CFAP99: variants seen among roughly 807,000 people sequenced by gnomAD.
CFAP99 encodes cilia and flagella associated protein 99, also known as cilia- and flagella-associated protein 99.
A neutral mutation model predicts 82.7 loss-of-function variants in CFAP99; 84 were observed. The ratio of observed to expected loss-of-function variants is 1.02; its 90% CI spans 0.85 to 1.22. CFAP99 has a LOEUF of 1.22. CFAP99 is among the 50% of genes most tolerant of loss of function. CFAP99 has a pLI of 0.00. For missense variants in CFAP99, 1,059 were observed against 983.5 expected, an observed-to-expected ratio of 1.08 and a Z score of -1.03; for synonymous variants, 456 against 429.5, an observed-to-expected ratio of 1.06 and a Z score of -0.76.
chr4:2,447,783 T>G (rs1294878087), intron 6 of CFAP99, among the ~76,000 whole-genome samples: 1 of 134,758 alleles, frequency 7.4e-6, no homozygotes, highest in Non-Finnish European at 1.5e-5. Context: ...ATTAGATGGA[T>G]GAAAAGATGA....
intron 11 of CFAP99, among the ~76,000 whole-genome samples, chr4:2,453,636 A>G (rs2792624): frequency 0.13 from 17,891 of 135,222 alleles, 1,131 homozygotes; most frequent in Middle Eastern, 0.24. Flanking sequence ...AATTTGAGCA[A>G]ATGTCCACAT....
chr4:2,455,080 A>G (rs1734396876), intron 11 of CFAP99, among the ~76,000 whole-genome samples: 1 of 152,136 alleles, frequency 6.6e-6, no homozygotes. Context: ...CCACCTTTTT[A>G]GGAGAGACAC....
At chr4:2,422,618 G>A (rs994719659) in intron 1 of CFAP99, among the ~76,000 whole-genome samples, 11 of 152,126 alleles carry the variant, frequency 7.2e-5, no homozygotes, top group South Asian at 2.1e-4. Context: ...CACTCTCACC[G>A]CCCCCACCAG....
intron 1 of CFAP99, among the ~76,000 whole-genome samples, chr4:2,419,368 A>G (rs1363763771): frequency 1.3e-5 from 2 of 151,944 alleles, no homozygotes; most frequent in African/African-American, 2.4e-5. Context: ...AGTACCTGCT[A>G]TGTGTCAAGC....
chr4:2,458,818 C>G (rs563290909), exon 12 of CFAP99: 1 of 1,535,940 alleles, frequency 6.5e-7, no homozygotes, highest in African/African-American at 1.4e-5. Flanking sequence ...GGCAGAAGAA[C>G]GCCAAGGCGG....
In CFAP99 at chr4:2,462,683, G is replaced by T; in HGVS notation, c.1902G>T (p.Gly634=). 6 of 1,260,594 alleles carry T rather than the reference G, an allele frequency of 4.8e-6. No individual in the cohort carries two copies. Among genetic ancestry groups the T allele is most frequent in the Non-Finnish European group, 6.0e-6 (6 of 1,004,022 alleles). 78.1% of individuals were successfully genotyped at this position (1,260,594 alleles called of 1,614,324 possible). A position where few individuals can be genotyped will look rare whatever the true frequency, so the allele number is the denominator to read the frequency against. The change falls in exon 15 of 15, where the codon GGG becomes GGT. Residue 634 remains glycine, a synonymous_variant. Transcript: ENST00000635017. This position sits in a 1 kb window ranked among gnomAD's most constrained non-coding sequence, Gnocchi z 4.1. ...GGGGATGGCGGGCGCGGCGCGCAGG[G>T]ACCGGCGTCCCGGGGCGGGGATGGC... is the stretch of plus-strand genomic sequence containing the variant.
intron 6 of CFAP99, among the ~76,000 whole-genome samples, chr4:2,447,480 G>C (rs1467917761): frequency 5.3e-5 from 8 of 150,486 alleles, no homozygotes; most frequent in Non-Finnish European, 5.9e-5. Context: ...TAGAGGGATG[G>C]GTAAGTGAAT....
rs759965795 is a variant in CFAP99, at chr4:2,426,486, A to G, written c.11A>G (p.Tyr4Cys). 78 of 1,535,650 alleles carry G rather than the reference A, an allele frequency of 5.1e-5. No homozygotes were observed. In the South Asian group the frequency reaches 5.4e-4, roughly 11 times the overall value. Reference sequence around the variant, plus strand: ...TTCTGCCCTAAGAAGATGGCCTACTATGGAAAATGCATTGAAACTGTGATC... The same window carrying G: ...TTCTGCCCTAAGAAGATGGCCTACTGTGGAAAATGCATTGAAACTGTGATC... The change falls in exon 2 of 15, where the codon TAT becomes TGT. Residue 4 changes from tyrosine to cysteine, a missense_variant. Physicochemically the swap from Tyr to Cys is radical, Grantham distance 194. Coordinates refer to ENST00000635017, the Ensembl canonical transcript of CFAP99.
chr4:2,432,387 G>A (rs1478927555), intron 2 of CFAP99, among the ~76,000 whole-genome samples: 1 of 152,226 alleles, frequency 6.6e-6, no homozygotes, highest in Non-Finnish European at 1.5e-5. Flanking sequence ...TATGGTTTTA[G>A]CTGGACATAT....
At chr4:2,441,136 C>T (rs899858199) in intron 4 of CFAP99, among the ~76,000 whole-genome samples, 3 of 151,228 alleles carry the variant, frequency 2.0e-5, no homozygotes, top group East Asian at 1.9e-4. Context: ...TTTGGGAGGC[C>T]GAAGTGGGTG....
At position 2,462,626 on chromosome 4, in the gene CFAP99, G is replaced by C. The variant is rs1267130313; in HGVS notation, c.1845G>C (p.Glu615Asp). The change falls in exon 15 of 15, where the codon GAG becomes GAC. Residue 615 changes from glutamate (E) to aspartate (D), a missense_variant. Coordinates refer to ENST00000635017, the Ensembl canonical transcript of CFAP99. This position sits in a 1 kb window ranked among gnomAD's most constrained non-coding sequence, Gnocchi z 4.1. The stretch of plus-strand genomic sequence containing the variant: ...CCCGGGTGAGTCCGGATTGGTGGGA[G>C]GAGCCCGGGCGACTGAAAGCCGGGG... 7.5e-7 allele frequency: 1 copy of C among 1,325,546 alleles called. No individual in the cohort carries two copies. Among genetic ancestry groups the C allele is most frequent in the Non-Finnish European group, 9.6e-7 (1 of 1,040,490 alleles). 82.1% of individuals were successfully genotyped at this position (1,325,546 alleles called of 1,614,324 possible).
chr4:2,442,517 C>T (rs1032015059), intron 4 of CFAP99, among the ~76,000 whole-genome samples: 1 of 152,054 alleles, frequency 6.6e-6, no homozygotes, highest in African/African-American at 2.4e-5. Flanking sequence ...ACACAGAAGC[C>T]GCCATCCTGC....
In CFAP99 at chr4:2,456,223, C is replaced by T. The variant is rs189753917; in HGVS notation, c.1162-2500C>T. 6.1e-3 allele frequency among the ~76,000 whole-genome samples: 922 copies of T among 151,776 alleles called. 5 individuals carry two copies. Among genetic ancestry groups the T allele is most frequent in the African/African-American group, 0.019 (775 of 41,364 alleles). ...TTTTATTTTATTTTTTTGGGAGATG[C>T]GGTTTTGCCATGTTGGCCAGGCTGG... On this transcript the variant is annotated intron_variant, in intron 11 of 14. Transcript: ENST00000635017.
Position 2,446,812 on chromosome 4 carries a change from G to GATGA in CFAP99, c.642+1508_642+1511dup, listed in dbSNP as rs375498851. 0.023 allele frequency among the ~76,000 whole-genome samples: 3,106 copies of GATGA among 135,068 alleles called. 85 individuals are homozygous for GATGA. Among genetic ancestry groups the GATGA allele is most frequent in the African/African-American group, 0.07 (2,799 of 39,972 alleles). The allele number at this position is 135,068 out of a possible 152,430, so 88.6% of individuals were successfully genotyped here. On this transcript the variant is annotated intron_variant, in intron 6 of 14. Transcript: ENST00000635017. The surrounding 1 kb of genome is among the most constrained non-coding windows in gnomAD (Gnocchi z 5.0). ...CAGATGGATGGTAGATGGATGGGTG[G>GATGA]ATGAATGGATGGATGGATGGATGGA...
chr4:2,447,578 T>C (rs1734193948), intron 6 of CFAP99, among the ~76,000 whole-genome samples: 2 of 151,128 alleles, frequency 1.3e-5, no homozygotes, highest in South Asian at 4.2e-4. Flanking sequence ...GATGAGTTTA[T>C]GGATGGATGA....
intron 14 of CFAP99, 55 bp downstream of exon 14, chr4:2,460,297 G>A: frequency 1.3e-6 from 2 of 1,482,016 alleles, no homozygotes; most frequent in Non-Finnish European, 1.8e-6. Flanking sequence ...CATGCTGTAA[G>A]CCTGCCTTGC....
rs1432671182 is a variant in CFAP99 at position 2,460,023 on chromosome 4, C to T, written c.1456-14C>T. ...CACAGCTCCCAGCTTGGGGCCTCCC[C>T]TACCACCCCACAGATCCCCGGCTAC... On this transcript the variant is annotated splice_polypyrimidine_tract_variant and intron_variant, in intron 13 of 14. Transcript: ENST00000635017. The T allele has an allele frequency of 1.3e-6, 2 of 1,535,342 alleles. No individual in the cohort carries two copies. Among genetic ancestry groups the T allele is most frequent in the Admixed American group, 2.0e-5 (1 of 50,998 alleles).
chr4:2,452,291 C>T, exon 11 of CFAP99: 4 of 1,535,600 alleles, frequency 2.6e-6, no homozygotes, highest in East Asian at 2.4e-5. Context: ...GCCGTCCTAG[C>T]CCGGCAGAGC....
chr4:2,462,531 A>G lies in CFAP99; in HGVS notation c.1750A>G (p.Arg584Gly). The change falls in exon 15 of 15, where the codon AGG becomes GGG. Residue 584 changes from arginine to glycine, a missense_variant. Transcript: ENST00000635017. The surrounding 1 kb of genome is among the most constrained non-coding windows in gnomAD (Gnocchi z 4.1). ...GCAGCTGCGGCGCAGGATCTCGGAG[A>G]GGGCGGCCGAGCGCAGCAGGCAGGC... The G allele has an allele frequency of 6.8e-7, 1 of 1,471,208 alleles. No individual in the cohort carries two copies. The highest frequency in any genetic ancestry group is 1.3e-5 in the South Asian group (1 of 77,538). 91.1% of individuals were successfully genotyped at this position (1,471,208 alleles called of 1,614,324 possible).
Sources: allele counts gnomAD v4.1 joint callset (sites outside exome capture counted in the v4.1 genomes callset), GRCh38; gene constraint gnomAD v4.1.1; non-coding constraint Gnocchi (gnomAD v3.1); transcripts MANE v1.5; gene names NCBI Gene and HGNC (gene_info 2026-07-23, HGNC 2026-07-21).